VPS13B: variants seen among roughly 807,000 people sequenced by gnomAD.
The protein encoded by VPS13B is intermembrane lipid transfer protein VPS13B.
A neutral mutation model predicts 426.4 loss-of-function variants in VPS13B; 285 were observed. The ratio of observed to expected loss-of-function variants is 0.67; its 90% CI spans 0.61 to 0.74. The LOEUF is 0.74. VPS13B is among the 30% of genes least tolerant of loss of function. The pLI, the probability that VPS13B is intolerant of heterozygous loss-of-function variation, is 0.00. For missense variants in VPS13B, 4,537 were observed against 4,782.6 expected (o/e 0.95, Z 1.51); for synonymous variants, 1,676 against 1,676.4 (o/e 1.00, Z 0.01).
chr8:99,238,667 T>C lies in VPS13B; in HGVS notation c.2516-35531T>C, dbSNP rs183511169. 2.7e-4 allele frequency among the ~76,000 whole-genome samples: 41 copies of C among 152,266 alleles called. 1 individual carries two copies. Among genetic ancestry groups the C allele is most frequent in the Admixed American group, 2.6e-3 (40 of 15,300 alleles). ...GGCTAGTTTATCTTATTTTAATTAA[T>C]AATAAAGCTAAAACAATTGTTTTTA... On this transcript the variant is annotated intron_variant, in intron 17 of 61. Transcript: ENST00000357162.
At chr8:99,445,065 AGTTG>A (rs1164522411) in intron 23 of VPS13B, among the ~76,000 whole-genome samples, 1 of 151,966 alleles carries the variant, frequency 6.6e-6, no homozygotes, top group Non-Finnish European at 1.5e-5. Context: ...GACTTCTTAC[AGTTG>A]AGTTGTAAGA....
At position 99,757,759 on chromosome 8, in the gene VPS13B, A is replaced by G. The variant is rs144085626; in HGVS notation, c.7051-9015A>G. Among the ~76,000 whole-genome samples the G allele has an allele frequency of 3.5e-3, 533 of 152,376 alleles. 2 individuals carry two copies. Among genetic ancestry groups the G allele is most frequent in the Non-Finnish European group, 5.8e-3 (393 of 68,036 alleles). On this transcript the variant is annotated intron_variant, in intron 39 of 61. Coordinates refer to ENST00000357162, the MANE Select transcript of VPS13B (RefSeq NM_152564.5). The stretch of plus-strand genomic sequence containing the variant: ...CATGTGCTCTTACCAACTGGCAGAT[A>G]TACAACCTAAGATATTCATATGCAA...
chr8:99,776,544 C>T (rs1811750513), intron 40 of VPS13B, among the ~76,000 whole-genome samples: 2 of 152,140 alleles, frequency 1.3e-5, no homozygotes, highest in Admixed American at 6.5e-5. Flanking sequence ...ATCCTGCTGC[C>T]TCAGCCTCCC....
chr8:99,849,543 C>T (rs1315841728), intron 55 of VPS13B, among the ~76,000 whole-genome samples: 2 of 152,136 alleles, frequency 1.3e-5, no homozygotes, highest in African/African-American at 4.8e-5. Flanking sequence ...TAAATTGGTA[C>T]TATTTCCAAT....
At position 99,511,273 on chromosome 8, in the gene VPS13B, A is replaced by G; in HGVS notation, c.4394A>G (p.His1465Arg). 1 of 1,614,106 alleles carries G rather than the reference A, an allele frequency of 6.2e-7. No individual in the cohort carries two copies. Among genetic ancestry groups the G allele is most frequent in the East Asian group, 2.2e-5 (1 of 44,862 alleles). The stretch of plus-strand genomic sequence containing the variant: ...ATGGATGGTTCTCCTCATTTTCTTC[A>G]TGAAATTCTTCTTTCAGCACAAGCT... ...GLMDGSPHFLHEILLSAQAFD... is the reference protein window; with the variant it reads ...GLMDGSPHFLREILLSAQAFD... Residue 1465 changes from histidine (H) to arginine (R), a missense_variant, in exon 29 of 62, where the codon CAT becomes CGT. His to Arg is a conservative substitution (Grantham distance 29). This residue lies in a region of VPS13B where 4,311 missense variants were observed against 4,474.3 expected (regional missense o/e 0.96). Transcript: ENST00000357162.
intron 35 of VPS13B, among the ~76,000 whole-genome samples, chr8:99,691,890 A>T (rs1422995983): frequency 6.7e-6 from 1 of 148,412 alleles, no homozygotes; most frequent in Non-Finnish European, 1.5e-5. Context: ...AGGGGTTGCA[A>T]TCCTAGTCTC....
At chr8:99,860,818 C>G (rs555730996) in intron 57 of VPS13B, among the ~76,000 whole-genome samples, 225 of 152,272 alleles carry the variant, frequency 1.5e-3, no homozygotes, top group African/African-American at 5.2e-3. Flanking sequence ...CTGAAATAGC[C>G]CTTCTTAGGA....
chr8:99,102,971 T>G lies in VPS13B; in HGVS notation c.431T>G (p.Ile144Ser), dbSNP rs200662439. ...TTTATAGGTTATGTGCAGAGTCTGA[T>G]TAGACGAGTTGTAAATAATGTAAAC... ...DLPPGYVQSL[I>S]RRVVNNVNIV... is the part of the protein sequence containing the mutation. Residue 144 changes from isoleucine to serine, a missense_variant, in exon 5 of 62, where the codon ATT becomes AGT. By Grantham distance (142) the Ile-to-Ser change is moderately radical. This residue lies in a region of VPS13B where 226 missense variants were observed against 308.3 expected (regional missense o/e 0.73). Coordinates refer to ENST00000357162, the MANE Select transcript of VPS13B (RefSeq NM_152564.5). 4 of 1,608,636 alleles carry G rather than the reference T, an allele frequency of 2.5e-6. No homozygotes were observed. In the East Asian group the frequency reaches 6.7e-5, roughly 27 times the overall value.
chr8:99,578,685 A>T (rs1825888840), intron 33 of VPS13B, among the ~76,000 whole-genome samples: 1 of 152,162 alleles, frequency 6.6e-6, no homozygotes, highest in South Asian at 2.1e-4. Context: ...AAATTAAAAA[A>T]TATTTCCCCA....
At chr8:99,283,173 A>G (rs1819257424) in intron 19 of VPS13B, among the ~76,000 whole-genome samples, 1 of 152,226 alleles carries the variant, frequency 6.6e-6, no homozygotes, top group Non-Finnish European at 1.5e-5. Flanking sequence ...TAATGTAGAA[A>G]TAAGTGAATT....
chr8:99,415,412 C>CT (rs1421336413), intron 21 of VPS13B, among the ~76,000 whole-genome samples: 1 of 152,030 alleles, frequency 6.6e-6, no homozygotes, highest in Admixed American at 6.6e-5. Flanking sequence ...AAGCCTGCCT[C>CT]TATCAATTTG....
chr8:99,632,499 A>C (rs1203588219), intron 33 of VPS13B, among the ~76,000 whole-genome samples: 1 of 151,966 alleles, frequency 6.6e-6, no homozygotes, highest in Non-Finnish European at 1.5e-5. Context: ...GGGCTAGCTG[A>C]CCAGAGATAT....
At chr8:99,552,259 T>G (rs984183261) in intron 30 of VPS13B, among the ~76,000 whole-genome samples, 5 of 152,096 alleles carry the variant, frequency 3.3e-5, no homozygotes, top group Non-Finnish European at 7.4e-5. Context: ...TTATTTTATA[T>G]TTTATGTTTG....
rs141761051 is a variant in VPS13B at position 99,205,719 on chromosome 8, T to G, written c.2515+12662T>G. 3.7e-3 allele frequency among the ~76,000 whole-genome samples: 565 copies of G among 152,278 alleles called. 4 individuals carry two copies. Among genetic ancestry groups the G allele is most frequent in the African/African-American group, 0.013 (536 of 41,552 alleles). On this transcript the variant is annotated intron_variant, in intron 17 of 61. Coordinates refer to ENST00000357162, the MANE Select transcript of VPS13B (RefSeq NM_152564.5). ...CAGGAATATTGTTGTTGGCAGGTTATATATCCTTTTTTACAGATGGGAACA... is the reference window on the plus strand; with the variant it reads ...CAGGAATATTGTTGTTGGCAGGTTAGATATCCTTTTTTACAGATGGGAACA...
chr8:99,310,598 A>G (rs1327836148), intron 19 of VPS13B, among the ~76,000 whole-genome samples: 1 of 152,158 alleles, frequency 6.6e-6, no homozygotes, highest in Non-Finnish European at 1.5e-5. Context: ...CCAGTATTTT[A>G]TTGAGGATTT....
intron 36 of VPS13B, among the ~76,000 whole-genome samples, chr8:99,713,959 G>A (rs1341193943): frequency 6.6e-6 from 1 of 152,050 alleles, no homozygotes; most frequent in South Asian, 2.1e-4. Flanking sequence ...GGCCAACATG[G>A]TGAAACCCCA....
At chr8:99,297,798 C>G (rs1820126464) in intron 19 of VPS13B, among the ~76,000 whole-genome samples, 1 of 152,182 alleles carries the variant, frequency 6.6e-6, no homozygotes. Flanking sequence ...CCTTTCCACT[C>G]AACAGTGTTT....
chr8:99,335,756 C>T (rs1398977636), intron 19 of VPS13B, among the ~76,000 whole-genome samples: 2 of 152,122 alleles, frequency 1.3e-5, no homozygotes, highest in Non-Finnish European at 1.5e-5. Context: ...AGTGAACTCC[C>T]ACTCACAATT....
chr8:99,204,212 A>G (rs1247555386), intron 17 of VPS13B, among the ~76,000 whole-genome samples: 5 of 152,228 alleles, frequency 3.3e-5, no homozygotes, highest in African/African-American at 1.2e-4. Flanking sequence ...CCACACATCT[A>G]CAACCATCTG....
Sources: allele counts gnomAD v4.1 joint callset (sites outside exome capture counted in the v4.1 genomes callset), GRCh38; gene constraint gnomAD v4.1.1; regional missense constraint gnomAD v4.1.1; transcripts MANE v1.5; gene names NCBI Gene and HGNC (gene_info 2026-07-23, HGNC 2026-07-21).